The following ST14 variants were observed in gnomAD, a reference collection of about 807,000 sequenced individuals.
The protein encoded by ST14 is ST14 transmembrane serine protease matriptase.
ST14 carries 40 observed loss-of-function variants against 96.5 expected under a neutral mutation model. The ratio of observed to expected loss-of-function variants is 0.41; its 90% CI spans 0.32 to 0.54. The LOEUF (loss-of-function observed/expected upper bound fraction) is 0.54, where lower values mean the gene tolerates loss of function less well. Ranked by LOEUF, ST14 falls within the 20% of genes least tolerant of loss-of-function variation. The pLI is 0.17. For missense variants in ST14, 1,066 were observed against 1,188.9 expected (o/e 0.90, Z 1.52); for synonymous variants, 506 against 492.1 (o/e 1.03, Z -0.37).
Position 130,209,427 on chromosome 11 carries a change from CT to C in ST14, c.2270-14del. On this transcript the variant is annotated splice_polypyrimidine_tract_variant and intron_variant, in intron 17 of 18. Coordinates refer to ENST00000278742, the MANE Select transcript of ST14 (RefSeq NM_021978.4). ...AAGCAGCCCGGCTCTCAGCCCCGTC[CT>C]GCCCTCTCCCCAGGCACTGGCGCGC... 1 of 1,573,868 alleles carries C rather than the reference CT, an allele frequency of 6.4e-7. No homozygotes were observed. Among genetic ancestry groups the C allele is most frequent in the Non-Finnish European group, 8.6e-7 (1 of 1,159,740 alleles).
chr11:130,193,538 C>T (rs1368829653), intron 7 of ST14, among the ~76,000 whole-genome samples: 4 of 151,064 alleles, frequency 2.6e-5, no homozygotes, highest in East Asian at 1.9e-4. Flanking sequence ...GGTGCGATCT[C>T]GGCTCACTGC....
chr11:130,170,260 C>T (rs1026733409), intron 1 of ST14, among the ~76,000 whole-genome samples: 2 of 152,066 alleles, frequency 1.3e-5, no homozygotes, highest in Non-Finnish European at 2.9e-5. Flanking sequence ...TATTTTTTCC[C>T]CTTCTTGGTT....
intron 7 of ST14, 133 bp from the exon 8 acceptor site, chr11:130,194,016 T>C (rs1953332351): frequency 8.7e-7 from 1 of 1,155,560 alleles, no homozygotes; most frequent in South Asian, 1.2e-5. Flanking sequence ...TTTGACTCCA[T>C]TCTTGGCCTC....
rs536145750 is a variant in ST14, at chr11:130,167,004, A to G, written c.81+6944A>G. 1.5e-3 allele frequency among the ~76,000 whole-genome samples: 227 copies of G among 152,320 alleles called. 2 individuals are homozygous for G. Among genetic ancestry groups the G allele is most frequent in the Non-Finnish European group, 2.1e-4 (14 of 68,032 alleles). On this transcript the variant is annotated intron_variant, in intron 1 of 18. Transcript: ENST00000278742. Reference sequence around the variant, plus strand: ...GGCCGATGGATCACTTGAGGTCAGGAGTTCAAGACTAGCCTGGCCAACATG... The same window carrying G: ...GGCCGATGGATCACTTGAGGTCAGGGGTTCAAGACTAGCCTGGCCAACATG...
chr11:130,208,816 C>T, intron 17 of ST14, 132 bp downstream of exon 17: 2 of 1,219,770 alleles, frequency 1.6e-6, no homozygotes, highest in Non-Finnish European at 2.3e-6. Context: ...ATGAGGCTGT[C>T]CAGGGCGGAA....
intron 16 of ST14, among the ~76,000 whole-genome samples, chr11:130,203,977 C>T (rs765109008): frequency 6.6e-6 from 1 of 152,154 alleles, no homozygotes; most frequent in African/African-American, 2.4e-5. Context: ...TTTAAACATG[C>T]GGCATTCTCC....
chr11:130,172,411 C>CT (rs1173051845), intron 1 of ST14, among the ~76,000 whole-genome samples: 1,615 of 88,276 alleles, frequency 0.018, 22 homozygotes, highest in Non-Finnish European at 0.022. Flanking sequence ...TGGCTGTCTT[C>CT]TTTTTTTTTT....
chr11:130,175,118 C>T (rs1005614866), intron 1 of ST14, among the ~76,000 whole-genome samples: 1 of 152,138 alleles, frequency 6.6e-6, no homozygotes, highest in Non-Finnish European at 1.5e-5. Context: ...AGCGGAATGG[C>T]AAATTCATTA....
intron 1 of ST14, among the ~76,000 whole-genome samples, chr11:130,161,015 C>T (rs1490032106): frequency 6.6e-6 from 1 of 152,204 alleles, no homozygotes; most frequent in Non-Finnish European, 1.5e-5. Context: ...TCCCCTCCTT[C>T]CGGGTGCCCC....
chr11:130,169,820 T>C (rs1953073994), intron 1 of ST14, among the ~76,000 whole-genome samples: 1 of 152,188 alleles, frequency 6.6e-6, no homozygotes, highest in Non-Finnish European at 1.5e-5. Flanking sequence ...GTGGATTTAA[T>C]AAAAAGTCAA....
At chr11:130,197,256 C>T (rs1383113791) in intron 11 of ST14, among the ~76,000 whole-genome samples, 1 of 152,198 alleles carries the variant, frequency 6.6e-6, no homozygotes, top group African/African-American at 2.4e-5. Flanking sequence ...TTGGATGAAC[C>T]AACGCCTTTG....
chr11:130,177,292 C>T (rs1053303743), intron 1 of ST14, among the ~76,000 whole-genome samples: 2 of 151,584 alleles, frequency 1.3e-5, no homozygotes, highest in East Asian at 2.0e-4. Context: ...AGGCCGGGCG[C>T]GGTGGCTCAC....
chr11:130,189,650 G>A (rs772796028), intron 4 of ST14, 89 bp from the exon 5 acceptor site: 5 of 1,566,134 alleles, frequency 3.2e-6, no homozygotes, highest in African/African-American at 2.7e-5. Context: ...GGTGTGCCCC[G>A]AGCCGCCCAT....
At position 130,167,427 on chromosome 11, in the gene ST14, T is replaced by A. The variant is rs185181923; in HGVS notation, c.81+7367T>A. Among the ~76,000 whole-genome samples, 1,155 of 152,296 alleles carry A rather than the reference T, an allele frequency of 7.6e-3. 9 individuals carry two copies. Among genetic ancestry groups the A allele is most frequent in the Admixed American group, 0.012 (187 of 15,304 alleles). ...CAGATTTTAGAGCCTCTATAAATAG[T>A]TTTGTTTATATTCTCCCACAAGTCT... On this transcript the variant is annotated intron_variant, in intron 1 of 18. Transcript: ENST00000278742.
At chr11:130,183,917 G>C (rs1953215847) in intron 1 of ST14, among the ~76,000 whole-genome samples, 2 of 152,234 alleles carry the variant, frequency 1.3e-5, no homozygotes, top group South Asian at 4.1e-4. Flanking sequence ...AACACATGTT[G>C]TGTGTCCAAA....
intron 6 of ST14, 36 bp from the exon 7 acceptor site, chr11:130,190,418 C>G: frequency 6.2e-7 from 1 of 1,603,782 alleles, no homozygotes. Context: ...CCCAGCCCTG[C>G]CCCCACACGT....
chr11:130,188,603 C>T lies in ST14; in HGVS notation c.315C>T (p.Tyr105=), dbSNP rs62642512. 1.6e-3 allele frequency: 2,546 copies of T among 1,614,200 alleles called. 25 individuals carry two copies. The African/African-American group carries it at 0.023, about 15-fold the overall frequency. Residue 105 remains tyrosine, a synonymous_variant, in exon 3 of 19, where the codon TAC becomes TAT. Coordinates refer to ENST00000278742, the MANE Select transcript of ST14 (RefSeq NM_021978.4). This position sits in a 1 kb window ranked among gnomAD's most constrained non-coding sequence, Gnocchi z 5.4. ...CAAATGAGAATTTTGTGGATGCCTACGAGAACTCCAACTCCACTGAGTTTG... is the reference window on the plus strand; with the variant it reads ...CAAATGAGAATTTTGTGGATGCCTATGAGAACTCCAACTCCACTGAGTTTG... The part of the protein sequence containing the change: ...RITNENFVDA[Y]ENSNSTEFVS...
At chr11:130,166,778 T>C (rs529131754) in intron 1 of ST14, among the ~76,000 whole-genome samples, 6 of 152,230 alleles carry the variant, frequency 3.9e-5, no homozygotes, top group South Asian at 4.1e-4. Flanking sequence ...AGATCAGGCA[T>C]GGAAGTGTGA....
intron 7 of ST14, among the ~76,000 whole-genome samples, chr11:130,193,022 G>A (rs1018552989): frequency 1.3e-5 from 2 of 151,994 alleles, no homozygotes; most frequent in African/African-American, 4.8e-5. Flanking sequence ...CTGAGATAGG[G>A]GTAATAGTAT....
Sources: allele counts gnomAD v4.1 joint callset (sites outside exome capture counted in the v4.1 genomes callset), GRCh38; gene constraint gnomAD v4.1.1; non-coding constraint Gnocchi (gnomAD v3.1); transcripts MANE v1.5; gene names NCBI Gene and HGNC (gene_info 2026-07-23, HGNC 2026-07-21).